Variants in CD2AP observed in about 807,000 individuals in gnomAD.
CD2AP encodes CD2 associated protein, also known as CD2-associated protein.
A neutral mutation model predicts 85.1 loss-of-function variants in CD2AP; 46 were observed. That is an observed-to-expected ratio of 0.54 (90% CI 0.43 to 0.69). CD2AP has a LOEUF of 0.69. Ranked by LOEUF, CD2AP falls within the 30% of genes least tolerant of loss-of-function variation. CD2AP has a pLI of 0.00. For missense variants in CD2AP, 769 were observed against 729.5 expected, an observed-to-expected ratio of 1.05 and a Z score of -0.62; for synonymous variants, 255 against 252.9, an observed-to-expected ratio of 1.01 and a Z score of -0.08.
At chr6:47,546,948 TAC>T (rs538653057) in intron 4 of CD2AP, among the ~76,000 whole-genome samples, 356 of 152,198 alleles carry the variant, frequency 2.3e-3, no homozygotes, top group Admixed American at 7.3e-3. Flanking sequence ...GAAGGAAACA[TAC>T]AGTCTTTTTC....
intron 1 of CD2AP, among the ~76,000 whole-genome samples, chr6:47,493,630 C>T (rs1048126340): frequency 9.2e-5 from 14 of 152,088 alleles, no homozygotes; most frequent in South Asian, 4.2e-4. Context: ...AATTCTTAGC[C>T]ATTATTATTT....
chr6:47,612,600 C>T, intron 17 of CD2AP, 64 bp downstream of exon 17: 1 of 1,114,322 alleles, frequency 9.0e-7, no homozygotes, highest in Non-Finnish European at 1.4e-6. Context: ...TTTCCCAACC[C>T]AACTGGGTAA....
At chr6:47,579,304 C>G in intron 8 of CD2AP, 81 bp from the exon 9 acceptor site, 2 of 849,906 alleles carry the variant, frequency 2.4e-6, no homozygotes, top group Non-Finnish European at 3.9e-6. Flanking sequence ...CACTGCACTT[C>G]AGCCTGGCCA....
chr6:47,574,945 GTATTTCAGTATT>G (rs1223007989), intron 6 of CD2AP, among the ~76,000 whole-genome samples: 3 of 152,110 alleles, frequency 2.0e-5, no homozygotes, highest in Non-Finnish European at 4.4e-5. Flanking sequence ...AGAAATTATA[GTATTTCAGTATT>G]TATTTGATTC....
At chr6:47,482,503 C>G (rs561113827) in intron 1 of CD2AP, among the ~76,000 whole-genome samples, 4 of 151,842 alleles carry the variant, frequency 2.6e-5, no homozygotes, top group Admixed American at 2.6e-4. Flanking sequence ...CTCAGCTTCC[C>G]GAGTAGCTGG....
intron 2 of CD2AP, among the ~76,000 whole-genome samples, chr6:47,520,496 A>G (rs1001428005): frequency 1.3e-5 from 2 of 152,070 alleles, no homozygotes; most frequent in African/African-American, 2.4e-5. Flanking sequence ...TGCTGTCCAT[A>G]TGGCCTCCGC....
At chr6:47,516,056 A>G (rs1463120750) in intron 2 of CD2AP, among the ~76,000 whole-genome samples, 1 of 152,238 alleles carries the variant, frequency 6.6e-6, no homozygotes, top group Non-Finnish European at 1.5e-5. Context: ...CTATCCCTGG[A>G]AATTTTGCTG....
At position 47,503,309 on chromosome 6, in the gene CD2AP, G is replaced by A. The variant is rs1766046306; in HGVS notation, c.34G>A (p.Ala12Thr). ...VDYIVEYDYDAVHDDELTIRV... is the reference protein window; with the variant it reads ...VDYIVEYDYDTVHDDELTIRV... ...CTATATTGTGGAGTATGACTATGAT[G>A]CTGTACATGATGATGAATTAACTAT... Residue 12 changes from alanine to threonine, a missense_variant, in exon 2 of 18, where the codon GCT becomes ACT. By Grantham distance (58) the Ala-to-Thr change is moderately conservative (BLOSUM62 0). Coordinates refer to ENST00000359314, the MANE Select transcript of CD2AP (RefSeq NM_012120.3). 6.2e-7 allele frequency: 1 copy of A among 1,613,616 alleles called. No homozygotes were observed. Among genetic ancestry groups the A allele is most frequent in the African/African-American group, 1.3e-5 (1 of 74,874 alleles).
At chr6:47,606,331 A>T in intron 14 of CD2AP, 54 bp downstream of exon 14, 1 of 1,025,638 alleles carries the variant, frequency 9.8e-7, no homozygotes, top group Non-Finnish European at 1.6e-6. Context: ...TGCAGAGTCC[A>T]TTGGAAGATA....
chr6:47,514,353 A>G (rs1338941652), intron 2 of CD2AP, among the ~76,000 whole-genome samples: 1 of 152,212 alleles, frequency 6.6e-6, no homozygotes, highest in East Asian at 1.9e-4. Context: ...ATGTTTAAGA[A>G]GTAAGCTAAA....
chr6:47,532,643 C>CT (rs1298589611), intron 2 of CD2AP, among the ~76,000 whole-genome samples: 2 of 151,986 alleles, frequency 1.3e-5, no homozygotes, highest in African/African-American at 2.4e-5. Context: ...AGCACATTGT[C>CT]TAATTCTATC....
chr6:47,578,726 G>A (rs1938829908), intron 8 of CD2AP, among the ~76,000 whole-genome samples: 1 of 148,328 alleles, frequency 6.7e-6, no homozygotes, highest in Non-Finnish European at 1.5e-5. Context: ...GTGTGATCTC[G>A]GCTCACTGCA....
intron 1 of CD2AP, among the ~76,000 whole-genome samples, chr6:47,498,206 G>A (rs1436466432): frequency 6.6e-6 from 1 of 152,160 alleles, no homozygotes; most frequent in African/African-American, 2.4e-5. Context: ...TATATCCTAT[G>A]CTTGCCTGCT....
intron 16 of CD2AP, among the ~76,000 whole-genome samples, chr6:47,611,972 G>A (rs1469782052): frequency 1.3e-5 from 2 of 152,116 alleles, no homozygotes; most frequent in South Asian, 2.1e-4. Flanking sequence ...GAAAAGATGA[G>A]TTGAGGAGAG....
chr6:47,495,998 A>G (rs956372902), intron 1 of CD2AP, among the ~76,000 whole-genome samples: 1 of 152,064 alleles, frequency 6.6e-6, no homozygotes, highest in Non-Finnish European at 1.5e-5. Context: ...TTAATTTCCT[A>G]TATGATGTTA....
intron 1 of CD2AP, among the ~76,000 whole-genome samples, chr6:47,482,622 C>A (rs1425918189): frequency 6.6e-6 from 1 of 152,036 alleles, no homozygotes; most frequent in East Asian, 1.9e-4. Context: ...TTGTAATCTG[C>A]CCCCCTCAGC....
At chr6:47,604,557 G>A (rs573182810) in intron 13 of CD2AP, among the ~76,000 whole-genome samples, 5 of 151,982 alleles carry the variant, frequency 3.3e-5, no homozygotes, top group African/African-American at 9.6e-5. Flanking sequence ...TAAAATGATT[G>A]GATTGTACTT....
rs1418904899 is a variant in CD2AP at position 47,610,970 on chromosome 6, TA to T, written c.1815-1502del. 4.3e-3 allele frequency among the ~76,000 whole-genome samples: 315 copies of T among 72,864 alleles called. 1 individual carries two copies. The highest frequency in any genetic ancestry group is 0.018 in the South Asian group (37 of 2,048). 47.8% of individuals were successfully genotyped at this position (72,864 alleles called of 152,430 possible). A position where few individuals can be genotyped will look rare whatever the true frequency, so the allele number is the denominator to read the frequency against. ...TGATTTATATATATATATATATATG[TA>T]TTTTTTTTTTTTTTTGAATATAAAA... On this transcript the variant is annotated intron_variant, in intron 16 of 17. Transcript: ENST00000359314.
chr6:47,584,419 ATTT>A (rs35951401), intron 11 of CD2AP, among the ~76,000 whole-genome samples: 6 of 138,254 alleles, frequency 4.3e-5, no homozygotes, highest in Non-Finnish European at 3.2e-5. Context: ...GTCTAGATTC[ATTT>A]TTTTTTTTTT....
Sources: gnomAD v4.1 joint callset for allele counts (sites outside exome capture counted in the v4.1 genomes callset) on GRCh38, gnomAD v4.1.1 for gene constraint, MANE v1.5 for transcripts, NCBI Gene and HGNC (gene_info 2026-07-23, HGNC 2026-07-21) for gene names.